Variants in IL31RA observed in about 807,000 individuals in gnomAD.
The protein encoded by IL31RA is interleukin 31 receptor A, also known as interleukin-31 receptor subunit alpha.
In IL31RA, 66 loss-of-function variants were observed where a neutral mutation model predicts 83.7. That is an observed-to-expected ratio of 0.79 (90% CI 0.65 to 0.97). The LOEUF (loss-of-function observed/expected upper bound fraction) is 0.97. Ranked by LOEUF, IL31RA falls within the 50% of genes least tolerant of loss-of-function variation. IL31RA has a pLI of 0.00. For missense variants in IL31RA, 798 were observed against 919.4 expected, an observed-to-expected ratio of 0.87 and a Z score of 1.71; for synonymous variants, 325 against 329.0, an observed-to-expected ratio of 0.99 and a Z score of 0.13.
intron 7 of IL31RA, among the ~76,000 whole-genome samples, chr5:55,897,149 C>T (rs917763447): frequency 7.0e-6 from 1 of 143,482 alleles, no homozygotes; most frequent in Non-Finnish European, 1.5e-5. Flanking sequence ...CATGCCCAGC[C>T]TGTTTCTTTA....
At chr5:55,859,126 G>A (rs527914176) in intron 1 of IL31RA, among the ~76,000 whole-genome samples, 18 of 152,360 alleles carry the variant, frequency 1.2e-4, no homozygotes, top group Admixed American at 1.2e-3. Context: ...GGAGATGTGA[G>A]ATAGCGTGGT....
At chr5:55,876,321 A>T (rs1746845057) in intron 4 of IL31RA, among the ~76,000 whole-genome samples, 1 of 152,150 alleles carries the variant, frequency 6.6e-6, no homozygotes, top group African/African-American at 2.4e-5. Flanking sequence ...CAGGAAAATC[A>T]CTTGCACTCG....
intron 4 of IL31RA, among the ~76,000 whole-genome samples, chr5:55,880,202 A>G (rs1454082475): frequency 6.6e-6 from 1 of 152,214 alleles, no homozygotes; most frequent in Non-Finnish European, 1.5e-5. Flanking sequence ...ATACAGCTCT[A>G]CTTACTAGTG....
chr5:55,898,665 A>ATGT, intron 7 of IL31RA, among the ~76,000 whole-genome samples: 1 of 30,696 alleles, frequency 3.3e-5, no homozygotes, highest in Non-Finnish European at 6.0e-5. Context: ...TAACATATTA[A>ATGT]TATGTTTTTT....
chr5:55,895,822 A>C (rs1748298559), intron 6 of IL31RA, among the ~76,000 whole-genome samples: 1 of 152,206 alleles, frequency 6.6e-6, no homozygotes, highest in Non-Finnish European at 1.5e-5. Context: ...ATTTTGGGAA[A>C]ACCAGCGTTA....
At chr5:55,888,167 A>G (rs1354094940) in intron 5 of IL31RA, among the ~76,000 whole-genome samples, 1 of 152,248 alleles carries the variant, frequency 6.6e-6, no homozygotes, top group East Asian at 1.9e-4. Flanking sequence ...ATAGATTGTT[A>G]ACAGTGAACA....
the IL31RA span, among the ~76,000 whole-genome samples, chr5:55,841,897 C>T: frequency 6.6e-6 from 1 of 151,798 alleles, no homozygotes. Context: ...CAGCAGTGTT[C>T]CTTCTGGAGT....
chr5:55,901,005 C>T (rs1431484391), intron 8 of IL31RA, among the ~76,000 whole-genome samples: 1 of 152,140 alleles, frequency 6.6e-6, no homozygotes. Flanking sequence ...CTCCAATTCA[C>T]CACCTTTCTC....
At chr5:55,895,997 C>T (rs1396928554) in intron 6 of IL31RA, among the ~76,000 whole-genome samples, 1 of 152,078 alleles carries the variant, frequency 6.6e-6, no homozygotes, top group Admixed American at 6.6e-5. Flanking sequence ...TTATCTGTGT[C>T]ATTCCCAGCT....
intron 13 of IL31RA, among the ~76,000 whole-genome samples, chr5:55,914,438 G>A (rs1749669945): frequency 6.6e-6 from 1 of 152,206 alleles, no homozygotes; most frequent in Non-Finnish European, 1.5e-5. Context: ...TCCCAATGCT[G>A]CTGGTTGGGA....
At chr5:55,908,846 G>T (rs1308721541) in intron 11 of IL31RA, 2 of 1,348,370 alleles carry the variant, frequency 1.5e-6, no homozygotes, top group South Asian at 2.3e-5. Context: ...ACTGGGCAAG[G>T]CTTGGATTCT....
chr5:55,867,213 ATGTGTGTTTG>A (rs1561543372), intron 2 of IL31RA, among the ~76,000 whole-genome samples: 14 of 64,668 alleles, frequency 2.2e-4, no homozygotes, highest in Non-Finnish European at 3.0e-4. Flanking sequence ...GTGTGTGCGC[ATGTGTGTTTG>A]TGTGTGTGTT....
rs1409948850 is a variant in IL31RA at position 55,918,298 on chromosome 5, C to T, written c.*1178C>T. ...ACCCAGCACTTGCCAGCCAGGAAGG[C>T]TGATGGTATTTTTTCTAGGAGAGTT... On this transcript the variant is annotated 3_prime_UTR_variant, in exon 15 of 15. Coordinates refer to ENST00000652347, the MANE Select transcript of IL31RA (RefSeq NM_139017.7). 6.6e-6 allele frequency among the ~76,000 whole-genome samples: 1 copy of T among 152,138 alleles called. No homozygotes were observed. The highest frequency in any genetic ancestry group is 1.5e-5 in the Non-Finnish European group (1 of 68,032).
In IL31RA at chr5:55,922,359, G is replaced by T. The variant is rs1203830704; in HGVS notation, c.*5239G>T. On this transcript the variant is annotated 3_prime_UTR_variant, in exon 15 of 15. Transcript: ENST00000652347. ...AGCAATGCTCTCGTGGCTGTTCAAG[G>T]GAAGTGAGATACTTGTACTATGCAT... 3.9e-6 allele frequency: 6 copies of T among 1,539,068 alleles called. No individual in the cohort carries two copies. Among genetic ancestry groups the T allele is most frequent in the Middle Eastern group, 1.7e-4 (1 of 5,988 alleles).
chr5:55,896,571 C>CTCCCT lies in IL31RA; in HGVS notation c.852+147_852+151dup, dbSNP rs1456931419. 1.2e-5 allele frequency: 5 copies of CTCCCT among 432,620 alleles called. No individual in the cohort carries two copies. In the African/African-American group the frequency reaches 1.4e-4, roughly 12 times the overall value. 26.8% of individuals were successfully genotyped at this position (432,620 alleles called of 1,614,324 possible). A position where few individuals can be genotyped will look rare whatever the true frequency, so the allele number is the denominator to read the frequency against. On this transcript the variant is annotated intron_variant, in intron 7 of 14. Transcript: ENST00000652347. ...CTTCCCTCCCCTCCCCTCCCCTCCC[C>CTCCCT]TCCCTTCCCCCCACCTTCCCCCTCC...
At position 55,920,100 on chromosome 5, in the gene IL31RA, A is replaced by T. The variant is rs1473950403; in HGVS notation, c.*2980A>T. Among the ~76,000 whole-genome samples, 1 of 152,258 alleles carries T rather than the reference A, an allele frequency of 6.6e-6. No homozygotes were observed. The highest frequency in any genetic ancestry group is 1.9e-4 in the East Asian group (1 of 5,204). The stretch of plus-strand genomic sequence containing the variant: ...CTGTGGCTTAAATAAAAAGACCACA[A>T]GTTCCTTCTGGTGTCTTGGGAGGCA... On this transcript the variant is annotated 3_prime_UTR_variant, in exon 15 of 15. Coordinates refer to ENST00000652347, the MANE Select transcript of IL31RA (RefSeq NM_139017.7).
At chr5:55,894,810 G>C (rs879645204) in intron 6 of IL31RA, among the ~76,000 whole-genome samples, 3 of 152,104 alleles carry the variant, frequency 2.0e-5, no homozygotes, top group Non-Finnish European at 4.4e-5. Context: ...TCCGCTTCCC[G>C]GGTTCAAGCG....
intron 11 of IL31RA, 157 bp downstream of exon 11, chr5:55,908,568 G>A: frequency 1.3e-6 from 2 of 1,559,608 alleles, no homozygotes; most frequent in Non-Finnish European, 1.7e-6. Flanking sequence ...GGGGCCAAGA[G>A]CACCCACCTT....
intron 7 of IL31RA, among the ~76,000 whole-genome samples, chr5:55,897,706 G>A (rs1748502800): frequency 6.6e-6 from 1 of 152,076 alleles, no homozygotes; most frequent in Non-Finnish European, 1.5e-5. Context: ...AGAGGGAAGT[G>A]AGAGAAGGAG....
Sources: allele counts gnomAD v4.1 joint callset (sites outside exome capture counted in the v4.1 genomes callset), GRCh38; gene constraint gnomAD v4.1.1; transcripts MANE v1.5; gene names NCBI Gene and HGNC (gene_info 2026-07-23, HGNC 2026-07-21).